The following ZNF180 variants were observed in gnomAD, a reference collection of about 807,000 sequenced individuals.
ZNF180 encodes zinc finger protein 180.
Under a neutral mutation model 11.8 loss-of-function variants are expected in ZNF180, and 11 were observed. The ratio of observed to expected loss-of-function variants is 0.93; its 90% CI spans 0.59 to 1.55. The LOEUF (loss-of-function observed/expected upper bound fraction) is 1.55. ZNF180 is among the 40% of genes most tolerant of loss of function. The pLI is 0.00. For missense variants in ZNF180, 773 were observed against 781.7 expected (o/e 0.99, Z 0.13); for synonymous variants, 287 against 257.7 (o/e 1.11, Z -1.09).
intron 3 of ZNF180, among the ~76,000 whole-genome samples, chr19:44,482,899 C>T (rs1970119845): frequency 6.6e-6 from 1 of 152,206 alleles, no homozygotes; most frequent in Non-Finnish European, 1.5e-5. Context: ...AGGGATAAAA[C>T]CTCAAGCTTG....
chr19:44,488,023 AC>A (rs1175812390), intron 2 of ZNF180, among the ~76,000 whole-genome samples: 1 of 151,778 alleles, frequency 6.6e-6, no homozygotes, highest in African/African-American at 2.4e-5. Flanking sequence ...CCGTGCCCAG[AC>A]TACTTTTAAA....
intron 2 of ZNF180, among the ~76,000 whole-genome samples, chr19:44,490,214 A>G (rs1390149930): frequency 1.3e-5 from 2 of 151,874 alleles, no homozygotes; most frequent in Non-Finnish European, 2.9e-5. Context: ...AAAAAGAGAA[A>G]ACAAAGAGAA....
intron 2 of ZNF180, among the ~76,000 whole-genome samples, chr19:44,488,084 C>T (rs1339887582): frequency 1.8e-5 from 1 of 55,620 alleles, no homozygotes; most frequent in Non-Finnish European, 4.2e-5. Flanking sequence ...CTCTCCCTCT[C>T]CCCACGGTCT....
At chr19:44,488,065 G>GCCCTCT (rs1375075587) in intron 2 of ZNF180, among the ~76,000 whole-genome samples, 1 of 107,068 alleles carries the variant, frequency 9.3e-6, no homozygotes, top group Non-Finnish European at 2.0e-5. Flanking sequence ...CCTCGCCCTT[G>GCCCTCT]CCCTCTCCCT....
intron 1 of ZNF180, 73 bp downstream of exon 1, chr19:44,500,202 G>C: frequency 6.2e-7 from 1 of 1,614,098 alleles, no homozygotes; most frequent in Non-Finnish European, 8.5e-7. Flanking sequence ...ACTCACCACC[G>C]CTTCCAGCTT....
rs1224509165 is a variant in ZNF180 at position 44,484,433 on chromosome 19, A to C, written c.54T>G (p.Asp18Glu). ...PPEPPKVCAQ[D>E]SFLPQEIIIK... is the part of the protein sequence containing the mutation. ...TGATAATCTCTTGAGGAAGGAAAGA[A>C]TCCTGAAAAGGCAAAACAGATGAGA... The change falls in exon 3 of 5, where the codon GAT (aspartate) becomes GAG (glutamate). Residue 18 changes from aspartate to glutamate, a missense_variant and splice_region_variant. Coordinates refer to ENST00000592529, the MANE Select transcript of ZNF180 (RefSeq NM_001278509.3). The C allele has an allele frequency of 8.7e-6, 14 of 1,613,610 alleles. No individual in the cohort carries two copies. Among genetic ancestry groups the C allele is most frequent in the Non-Finnish European group, 1.2e-5 (14 of 1,179,474 alleles).
intron 2 of ZNF180, among the ~76,000 whole-genome samples, chr19:44,488,468 T>C (rs1416945040): frequency 6.6e-6 from 1 of 152,212 alleles, no homozygotes; most frequent in Non-Finnish European, 1.5e-5. Flanking sequence ...GGTTTCGCTG[T>C]GTTGGCCGGG....
At chr19:44,498,174 C>A (rs1184662505) in intron 1 of ZNF180, among the ~76,000 whole-genome samples, 2 of 152,138 alleles carry the variant, frequency 1.3e-5, no homozygotes, top group African/African-American at 4.8e-5. Context: ...ACAAGGCCTG[C>A]ATAGGGCTGG....
chr19:44,488,144 TCCCTCTCCCTCTCTTTCCA>T (rs1970286834), intron 2 of ZNF180, among the ~76,000 whole-genome samples: 11 of 115,082 alleles, frequency 9.6e-5, no homozygotes, highest in Admixed American at 1.7e-4. Flanking sequence ...TTCCACGGTC[TCCCTCTCCCTCTCTTTCCA>T]CGGTCTCCCT....
chr19:44,492,481 T>G lies in ZNF180; in HGVS notation c.51+4803A>C, dbSNP rs142883429. Among the ~76,000 whole-genome samples, 738 of 152,320 alleles carry G rather than the reference T, an allele frequency of 4.8e-3. 5 individuals carry two copies. The highest frequency in any genetic ancestry group is 0.017 in the African/African-American group (696 of 41,560). On this transcript the variant is annotated intron_variant, in intron 2 of 4. Transcript: ENST00000592529. ...GGGAACAGGAATTAGACTGTTGACT[T>G]GCACAGAGAAAAGGGTTGTGGGCAG... is the stretch of plus-strand genomic sequence containing the variant.
At position 44,476,415 on chromosome 19, in the gene ZNF180, T is replaced by C. The variant is rs141416252; in HGVS notation, c.1985A>G (p.Tyr662Cys). 71 of 1,581,360 alleles carry C rather than the reference T, an allele frequency of 4.5e-5. 1 individual carries two copies. The African/African-American group carries it at 8.2e-4, about 18-fold the overall frequency. The change falls in exon 5 of 5, where the codon TAT becomes TGT. Residue 662 changes from tyrosine (Y) to cysteine (C), a missense_variant. Physicochemically the swap from Tyr to Cys is radical, Grantham distance 194. Transcript: ENST00000592529. ...HQATHTEEKL[Y>C]ECN Reference sequence around the variant, plus strand: ...CTGATTTACAAACTAGTTACATTCATAGAGTTTCTCTTCAGTATGAGTTGC... The same window carrying C: ...CTGATTTACAAACTAGTTACATTCACAGAGTTTCTCTTCAGTATGAGTTGC...
In ZNF180 at chr19:44,486,365, C is replaced by T. The variant is rs569485985; in HGVS notation, c.52-1930G>A. Among the ~76,000 whole-genome samples the T allele has an allele frequency of 2.4e-4, 37 of 152,264 alleles. 1 individual carries two copies. The highest frequency in any genetic ancestry group is 7.9e-4 in the African/African-American group (33 of 41,542). ...AATGCTGCATCCATGTTTTTCAAAA[C>T]CACTTATTTTAATTAAATATTTGGA... On this transcript the variant is annotated intron_variant, in intron 2 of 4. Transcript: ENST00000592529.
intron 1 of ZNF180, among the ~76,000 whole-genome samples, chr19:44,499,781 T>C (rs1970691416): frequency 6.6e-6 from 1 of 152,116 alleles, no homozygotes; most frequent in South Asian, 2.1e-4. Context: ...GAGAAGCGCG[T>C]TGTCTGCTCT....
chr19:44,490,176 G>GA (rs370402333), intron 2 of ZNF180, among the ~76,000 whole-genome samples: 1 of 135,872 alleles, frequency 7.4e-6, no homozygotes, highest in African/African-American at 2.9e-5. Context: ...GGGAGGGAGG[G>GA]AGGGAGGGAG....
At chr19:44,479,496 G>A in intron 3 of ZNF180, 87 bp from the exon 4 acceptor site, 1 of 1,553,596 alleles carries the variant, frequency 6.4e-7, no homozygotes, top group Non-Finnish European at 8.7e-7. Context: ...GATGGAAAAA[G>A]GAAAATTGGT....
intron 2 of ZNF180, chr19:44,496,611 G>A (rs12462473): frequency 0.28 from 41,590 of 146,776 alleles, 6,385 homozygotes; most frequent in East Asian, 0.5. Flanking sequence ...AGTTTGAGGC[G>A]GCAGTGAGCT....
intron 2 of ZNF180, among the ~76,000 whole-genome samples, chr19:44,486,496 A>C (rs1970232154): frequency 6.6e-6 from 1 of 152,250 alleles, no homozygotes; most frequent in Admixed American, 6.5e-5. Flanking sequence ...CAGTCTGTTA[A>C]ATGATAGCCC....
In ZNF180 at chr19:44,475,504, T is replaced by C. The variant is rs527914663; in HGVS notation, c.*898A>G. 6.6e-6 allele frequency: 1 copy of C among 152,348 alleles called. No homozygotes were observed. Among genetic ancestry groups the C allele is most frequent in the East Asian group, 1.9e-4 (1 of 5,186 alleles). The allele number at this position is 152,348 out of a possible 1,614,324, so 9.4% of individuals were successfully genotyped here. A position where few individuals can be genotyped will look rare whatever the true frequency, so the allele number is the denominator to read the frequency against. ...TCCATTTTATTTTCAATGAGGAATG[T>C]TCCTAGGAATCTATGTCCTAAGTAG... On this transcript the variant is annotated 3_prime_UTR_variant, in exon 5 of 5. Transcript: ENST00000592529.
chr19:44,476,909 A>G lies in ZNF180; in HGVS notation c.1491T>C (p.Asn497=), dbSNP rs369864178. The G allele has an allele frequency of 5.0e-6, 8 of 1,614,044 alleles. No homozygotes were observed. The highest frequency in any genetic ancestry group is 3.3e-4 in the Middle Eastern group (2 of 6,084). Residue 497 remains asparagine (N), a synonymous_variant, in exon 5 of 5, where the codon AAT becomes AAC. Transcript: ENST00000592529. ...TCCAGCTGAAGGATTTCCCACACTG[A>G]TTACATTCAAAGGGTTTTTCTCCTG... The part of the protein sequence containing the change: ...THTGEKPFEC[N]QCGKSFSWSS...
Sources: allele counts gnomAD v4.1 joint callset (sites outside exome capture counted in the v4.1 genomes callset), GRCh38; gene constraint gnomAD v4.1.1; transcripts MANE v1.5; gene names NCBI Gene and HGNC (gene_info 2026-07-23, HGNC 2026-07-21).